Variants in KLHL29 observed in about 807,000 individuals in gnomAD.
KLHL29 encodes the protein kelch like family member 29, also known as kelch-like protein 29.
A neutral mutation model predicts 80.4 loss-of-function variants in KLHL29; 21 were observed. The observed-to-expected ratio is 0.26, with a 90% CI of 0.19 to 0.38. KLHL29 has a LOEUF of 0.38. KLHL29 is among the 10% of genes least tolerant of loss of function. The pLI, the probability that KLHL29 is intolerant of heterozygous loss-of-function variation, is 1.00. For synonymous variants in KLHL29, 511 were observed against 526.8 expected, an observed-to-expected ratio of 0.97 and a Z score of 0.41; for missense variants, 867 against 1,223.9, an observed-to-expected ratio of 0.71 and a Z score of 4.35.
At chr2:23,520,733 G>A (rs1666068569) in intron 2 of KLHL29, among the ~76,000 whole-genome samples, 2 of 152,180 alleles carry the variant, frequency 1.3e-5, no homozygotes, top group South Asian at 4.1e-4. Flanking sequence ...ATGCTTTAAG[G>A]TGACTCTTTC....
intron 1 of KLHL29, among the ~76,000 whole-genome samples, chr2:23,436,641 T>G (rs1663353108): frequency 6.6e-6 from 1 of 152,218 alleles, no homozygotes; most frequent in African/African-American, 2.4e-5. Flanking sequence ...AGAGGAGCCC[T>G]GACGATTCTG....
intron 3 of KLHL29, among the ~76,000 whole-genome samples, chr2:23,633,755 T>TGTGTGTGTGTGTGTGTGTG (rs1558416938): frequency 1.8e-4 from 5 of 27,854 alleles, no homozygotes; most frequent in Middle Eastern, 0.018. Flanking sequence ...GTCACAGCAC[T>TGTGTGTGTGTGTGTGTGTG]CGTGTGTGTG....
rs138752216 is a variant in KLHL29, at chr2:23,580,141, C to T, written c.285+17660C>T. On this transcript the variant is annotated intron_variant, in intron 3 of 13. Transcript: ENST00000486442. ...ATCCCAGCACTTTGGGAAGCTGAGG[C>T]GGGCCGATCACGAGGTCAGGAGATC... Among the ~76,000 whole-genome samples the T allele has an allele frequency of 1.6e-4, 24 of 152,086 alleles. No homozygotes were observed. The East Asian group carries it at 4.4e-3, about 28-fold the overall frequency.
intron 1 of KLHL29, among the ~76,000 whole-genome samples, chr2:23,394,810 G>A (rs555398817): frequency 6.6e-6 from 1 of 152,270 alleles, no homozygotes; most frequent in Admixed American, 6.5e-5. Flanking sequence ...TTTGCAAATG[G>A]AACAAAAATT....
intron 1 of KLHL29, among the ~76,000 whole-genome samples, chr2:23,470,879 GA>G (rs1664480109): frequency 6.6e-6 from 1 of 152,190 alleles, no homozygotes; most frequent in East Asian, 1.9e-4. Flanking sequence ...AACCTTCTGA[GA>G]ATGTTTATTT....
chr2:23,634,631 C>G (rs1669560778), intron 3 of KLHL29, among the ~76,000 whole-genome samples: 1 of 152,158 alleles, frequency 6.6e-6, no homozygotes, highest in South Asian at 2.1e-4. Context: ...ATGCCTTCAT[C>G]ACACCCAAGC....
chr2:23,595,212 C>T (rs1668365994), intron 3 of KLHL29, among the ~76,000 whole-genome samples: 1 of 152,062 alleles, frequency 6.6e-6, no homozygotes, highest in South Asian at 2.1e-4. Context: ...TGGGAAGTGG[C>T]TGTGGGGTGT....
At chr2:23,557,537 C>T (rs898277857) in intron 2 of KLHL29, among the ~76,000 whole-genome samples, 4 of 151,946 alleles carry the variant, frequency 2.6e-5, no homozygotes, top group Non-Finnish European at 4.4e-5. Flanking sequence ...GGGTGGGGGA[C>T]GGGAGTGGTG....
chr2:23,511,232 CTAAA>C (rs1342814721), intron 2 of KLHL29, among the ~76,000 whole-genome samples: 1 of 152,126 alleles, frequency 6.6e-6, no homozygotes, highest in African/African-American at 2.4e-5. Context: ...TTTAAATAAA[CTAAA>C]TAAGCTCACC....
At chr2:23,542,710 T>C (rs1666870242) in intron 2 of KLHL29, among the ~76,000 whole-genome samples, 2 of 152,106 alleles carry the variant, frequency 1.3e-5, no homozygotes, top group Non-Finnish European at 2.9e-5. Flanking sequence ...GGCAGGCTTC[T>C]GCCTGAACCC....
intron 3 of KLHL29, among the ~76,000 whole-genome samples, chr2:23,609,473 C>A (rs1668804216): frequency 6.6e-6 from 1 of 151,982 alleles, no homozygotes; most frequent in South Asian, 2.1e-4. Flanking sequence ...CTGTGGGGAG[C>A]CACAGATGGG....
intron 1 of KLHL29, among the ~76,000 whole-genome samples, chr2:23,425,452 G>T (rs1243004386): frequency 6.6e-6 from 1 of 152,232 alleles, no homozygotes; most frequent in Non-Finnish European, 1.5e-5. Context: ...GGGCCGGCCA[G>T]ACCAGGGTCC....
At chr2:23,449,848 G>A (rs1297709945) in intron 1 of KLHL29, among the ~76,000 whole-genome samples, 1 of 152,120 alleles carries the variant, frequency 6.6e-6, no homozygotes, top group Non-Finnish European at 1.5e-5. Context: ...CAAGCCCTCT[G>A]GAACCCTGCA....
chr2:23,671,301 G>A (rs956580410), intron 5 of KLHL29, among the ~76,000 whole-genome samples: 1 of 151,890 alleles, frequency 6.6e-6, no homozygotes, highest in Admixed American at 6.6e-5. Context: ...TCTCCTTGTG[G>A]CTCTCTGCTG....
intron 3 of KLHL29, among the ~76,000 whole-genome samples, chr2:23,609,520 T>A (rs1668805724): frequency 6.6e-6 from 1 of 151,958 alleles, no homozygotes; most frequent in African/African-American, 2.4e-5. Context: ...CTCTTCAGAA[T>A]GCGCCCCCCT....
At chr2:23,545,672 G>C (rs1457481112) in intron 2 of KLHL29, among the ~76,000 whole-genome samples, 1 of 152,222 alleles carries the variant, frequency 6.6e-6, no homozygotes, top group Non-Finnish European at 1.5e-5. Context: ...GGAGTATGGG[G>C]TGATTAGGCC....
intron 1 of KLHL29, among the ~76,000 whole-genome samples, chr2:23,442,437 A>G (rs545195528): frequency 6.6e-6 from 1 of 152,266 alleles, no homozygotes; most frequent in East Asian, 1.9e-4. Context: ...AGTCAGAGTC[A>G]GAGAACAAGA....
intron 3 of KLHL29, among the ~76,000 whole-genome samples, chr2:23,581,210 C>T (rs1489547597): frequency 1.3e-5 from 2 of 152,174 alleles, no homozygotes; most frequent in Admixed American, 6.5e-5. Context: ...TGCACCGTGG[C>T]ATGGCTTGAG....
At chr2:23,683,798 GA>G (rs1156745872) in intron 5 of KLHL29, among the ~76,000 whole-genome samples, 2 of 152,222 alleles carry the variant, frequency 1.3e-5, no homozygotes, top group East Asian at 3.9e-4. Context: ...TTGCTTTCCC[GA>G]AAAGTCCCCA....
Sources: gnomAD v4.1 joint callset for allele counts (sites outside exome capture counted in the v4.1 genomes callset) on GRCh38, gnomAD v4.1.1 for gene constraint, MANE v1.5 for transcripts, NCBI Gene and HGNC (gene_info 2026-07-23, HGNC 2026-07-21) for gene names.